The following ITPR1 variants were observed in gnomAD, a reference collection of about 807,000 sequenced individuals.
ITPR1 encodes inositol 1,4,5-trisphosphate-gated calcium channel ITPR1.
Under a neutral mutation model 318.4 loss-of-function variants are expected in ITPR1, and 96 were observed. The observed-to-expected ratio is 0.30, with a 90% CI of 0.26 to 0.36. ITPR1 has a LOEUF of 0.36. ITPR1 is among the 10% of genes least tolerant of loss of function. The pLI is 1.00. For synonymous variants in ITPR1, 1,312 were observed against 1,289.9 expected (o/e 1.02, Z -0.37); for missense variants, 2,440 against 3,460.2 (o/e 0.71, Z 7.40).
chr3:4,657,469 A>ATT (rs61012467), intron 12 of ITPR1, among the ~76,000 whole-genome samples: 2,024 of 127,202 alleles, frequency 0.016, 51 homozygotes, highest in African/African-American at 0.056. Context: ...TTTTTGAAAG[A>ATT]TTTTTTTTTT....
At chr3:4,822,064 G>A (rs1256676622) in intron 60 of ITPR1, among the ~76,000 whole-genome samples, 1 of 152,194 alleles carries the variant, frequency 6.6e-6, no homozygotes, top group Admixed American at 6.5e-5. Flanking sequence ...TCCGCTCTGT[G>A]CCTTCCCTCG....
At chr3:4,574,184 T>C (rs921775341) in intron 4 of ITPR1, among the ~76,000 whole-genome samples, 6 of 151,976 alleles carry the variant, frequency 3.9e-5, no homozygotes, top group South Asian at 2.1e-4. Context: ...AGTGGGAAAG[T>C]ATAGATGCCT....
chr3:4,834,622 G>A (rs1459160564), intron 60 of ITPR1, among the ~76,000 whole-genome samples: 1 of 152,132 alleles, frequency 6.6e-6, no homozygotes, highest in Non-Finnish European at 1.5e-5. Context: ...CCTCAGAGTT[G>A]CATAGTCCTT....
rs556846663 is a variant in ITPR1, at chr3:4,645,372, G to T, written c.625-15G>T. The T allele has an allele frequency of 1.9e-6, 3 of 1,590,174 alleles. No homozygotes were observed. The highest frequency in any genetic ancestry group is 1.1e-5 in the South Asian group (1 of 90,010). ...TGAGGGGTACGTGAAAAAATAACTC[G>T]AATCTGTGTTTCAGGTCAATTCCGT... On this transcript the variant is annotated splice_polypyrimidine_tract_variant and intron_variant, in intron 8 of 61. Transcript: ENST00000649015.
At chr3:4,721,865 G>A (rs965718770) in intron 40 of ITPR1, among the ~76,000 whole-genome samples, 3 of 152,196 alleles carry the variant, frequency 2.0e-5, no homozygotes, top group Non-Finnish European at 2.9e-5. Flanking sequence ...ATGGATGTGC[G>A]TGGGTGCTGT....
intron 54 of ITPR1, among the ~76,000 whole-genome samples, chr3:4,802,849 GAGAAAGAA>G (rs928798989): frequency 6.7e-6 from 1 of 148,628 alleles, no homozygotes; most frequent in African/African-American, 2.6e-5. Flanking sequence ...AAGAAAGAAA[GAGAAAGAA>G]AGAAAGAGAG....
intron 2 of ITPR1, among the ~76,000 whole-genome samples, chr3:4,515,109 G>T (rs756257837): frequency 2.0e-5 from 3 of 152,170 alleles, no homozygotes; most frequent in Non-Finnish European, 4.4e-5. Flanking sequence ...GCAATGTCTG[G>T]GTTGTTGGAG....
At chr3:4,798,040 TG>T (rs991857760) in intron 53 of ITPR1, among the ~76,000 whole-genome samples, 3 of 152,222 alleles carry the variant, frequency 2.0e-5, no homozygotes, top group African/African-American at 7.2e-5. Flanking sequence ...GCCGTTATAG[TG>T]AGGAGACAGC....
At chr3:4,802,570 C>A (rs913418182) in intron 54 of ITPR1, among the ~76,000 whole-genome samples, 1 of 152,140 alleles carries the variant, frequency 6.6e-6, no homozygotes, top group Non-Finnish European at 1.5e-5. Context: ...AGCCTGTAAT[C>A]CCAGCACTTT....
chr3:4,575,982 C>T (rs2088608382), intron 4 of ITPR1, among the ~76,000 whole-genome samples: 1 of 149,762 alleles, frequency 6.7e-6, no homozygotes, highest in Admixed American at 6.7e-5. Context: ...GTCATGCCAC[C>T]ACACTCCAGC....
chr3:4,748,460 C>T (rs1377906197), intron 44 of ITPR1, among the ~76,000 whole-genome samples: 1 of 151,054 alleles, frequency 6.6e-6, no homozygotes, highest in African/African-American at 2.4e-5. Flanking sequence ...TTTTTAATAA[C>T]AATGCATGAG....
At chr3:4,653,769 T>G in intron 11 of ITPR1, 73 bp from the exon 12 acceptor site, 1 of 1,070,318 alleles carries the variant, frequency 9.3e-7, no homozygotes, top group Non-Finnish European at 1.4e-6. Context: ...GGCCTTGAAG[T>G]CTCCTGCAAG....
chr3:4,627,449 G>A (rs1474186493), intron 4 of ITPR1, among the ~76,000 whole-genome samples: 2 of 152,050 alleles, frequency 1.3e-5, no homozygotes, highest in Non-Finnish European at 2.9e-5. Flanking sequence ...GGGTGACAGA[G>A]GGAGACTCAG....
intron 39 of ITPR1, among the ~76,000 whole-genome samples, chr3:4,712,777 G>A (rs540569495): frequency 6.5e-4 from 99 of 152,330 alleles, no homozygotes; most frequent in Non-Finnish European, 1.3e-3. Context: ...TTAGAGCAAT[G>A]TTACTAGTGA....
At chr3:4,711,628 T>A (rs1336746518) in intron 38 of ITPR1, 129 bp from the exon 39 acceptor site, 13 of 637,950 alleles carry the variant, frequency 2.0e-5, no homozygotes, top group Non-Finnish European at 3.6e-5. Flanking sequence ...TGCCCTGAAG[T>A]ATCTTTAACC....
intron 2 of ITPR1, among the ~76,000 whole-genome samples, chr3:4,501,418 A>G (rs978250903): frequency 2.6e-5 from 4 of 152,220 alleles, no homozygotes; most frequent in Non-Finnish European, 5.9e-5. Flanking sequence ...CTTGCTAGCA[A>G]TTGCAGACTC....
intron 4 of ITPR1, among the ~76,000 whole-genome samples, chr3:4,614,782 C>T (rs562334010): frequency 2.0e-5 from 3 of 152,302 alleles, no homozygotes; most frequent in Admixed American, 6.5e-5. Context: ...CAAGGCTGCT[C>T]ACCCAGGGAG....
At chr3:4,530,596 C>A (rs2083334806) in intron 4 of ITPR1, among the ~76,000 whole-genome samples, 1 of 152,128 alleles carries the variant, frequency 6.6e-6, no homozygotes, top group Admixed American at 6.5e-5. Flanking sequence ...CCTGCCTGGG[C>A]AACAAAGTGA....
intron 61 of ITPR1, among the ~76,000 whole-genome samples, chr3:4,840,812 A>C (rs146861842): frequency 1.3e-5 from 2 of 152,332 alleles, no homozygotes; most frequent in African/African-American, 4.8e-5. Context: ...CTAATGTAAG[A>C]ACTTAAAAAT....
Sources: allele counts gnomAD v4.1 joint callset (sites outside exome capture counted in the v4.1 genomes callset), GRCh38; gene constraint gnomAD v4.1.1; transcripts MANE v1.5; gene names NCBI Gene and HGNC (gene_info 2026-07-23, HGNC 2026-07-21).